TLL2: variants seen among roughly 807,000 people sequenced by gnomAD.
TLL2 encodes tolloid like 2.
Under a neutral mutation model 123.0 loss-of-function variants are expected in TLL2, and 106 were observed. That is an observed-to-expected ratio of 0.86 (90% CI 0.74 to 1.01). The LOEUF is 1.01. Among genes scored for constraint, TLL2 ranks in the 50% least tolerant of loss-of-function variants. The pLI is 0.00. For synonymous variants in TLL2, 494 were observed against 516.8 expected (o/e 0.96, Z 0.60); for missense variants, 1,332 against 1,336.7 (o/e 1.00, Z 0.06).
chr10:96,471,887 C>T (rs572670488), intron 2 of TLL2, among the ~76,000 whole-genome samples: 21 of 152,154 alleles, frequency 1.4e-4, no homozygotes, highest in East Asian at 1.2e-3. Context: ...ACTGCAAGCA[C>T]GATTGTGTGT....
intron 2 of TLL2, among the ~76,000 whole-genome samples, chr10:96,458,587 CAAAAAAAAAAAAAAAAAAAAA>C (rs55819031): frequency 2.2e-5 from 1 of 45,954 alleles, no homozygotes; most frequent in African/African-American, 9.5e-5. Context: ...GACTTCGTCT[CAAAAAAAAAAAAAAAAAAAAA>C]AAAAAAAAAA....
chr10:96,374,393 C>CAG (rs1347458699), intron 18 of TLL2: 1 of 158,768 alleles, frequency 6.3e-6, no homozygotes, highest in Non-Finnish European at 1.4e-5. Context: ...GCTCTGGCAT[C>CAG]AGAGACCCTG....
chr10:96,440,572 G>A (rs1235844319), intron 3 of TLL2, among the ~76,000 whole-genome samples: 1 of 152,228 alleles, frequency 6.6e-6, no homozygotes, highest in East Asian at 1.9e-4. Context: ...CTCCTTTGGA[G>A]AATGGGCAAA....
chr10:96,397,840 C>T (rs572477982), intron 10 of TLL2, among the ~76,000 whole-genome samples: 147 of 152,276 alleles, frequency 9.7e-4, no homozygotes, highest in Non-Finnish European at 1.7e-3. Context: ...TCCTGGTAGC[C>T]GTAGGAGGGT....
intron 5 of TLL2, among the ~76,000 whole-genome samples, chr10:96,424,381 A>G (rs1846657712): frequency 6.6e-6 from 1 of 152,176 alleles, no homozygotes. Flanking sequence ...CCATGATGTG[A>G]TTATTTCACG....
In TLL2 at chr10:96,413,322, G is replaced by T; in HGVS notation, c.924-6C>A. Reference sequence around the variant, plus strand: ...TGGTGTCTAAGAAAACTCCTCTACAGGAAGGAAAAAAGACAGAAAAAGAAA... The same window carrying T: ...TGGTGTCTAAGAAAACTCCTCTACATGAAGGAAAAAAGACAGAAAAAGAAA... On this transcript the variant is annotated splice_region_variant and splice_polypyrimidine_tract_variant and intron_variant, in intron 7 of 20. Coordinates refer to ENST00000357947, the MANE Select transcript of TLL2 (RefSeq NM_012465.4). 1 of 1,611,294 alleles carries T rather than the reference G, an allele frequency of 6.2e-7. No individual in the cohort carries two copies. The highest frequency in any genetic ancestry group is 8.5e-7 in the Non-Finnish European group (1 of 1,177,990).
intron 3 of TLL2, among the ~76,000 whole-genome samples, chr10:96,438,236 C>G (rs1846816118): frequency 6.6e-6 from 1 of 152,182 alleles, no homozygotes; most frequent in Non-Finnish European, 1.5e-5. Flanking sequence ...ATCTTCCAAA[C>G]CAGGGATGCA....
chr10:96,365,077 A>G lies in TLL2; in HGVS notation c.*3011T>C, dbSNP rs1369123852. 1 of 152,266 alleles carries G rather than the reference A, an allele frequency of 6.6e-6. No homozygotes were observed. Among genetic ancestry groups the G allele is most frequent in the East Asian group, 1.9e-4 (1 of 5,206 alleles). The allele number at this position is 152,266 out of a possible 1,614,324, so 9.4% of individuals were successfully genotyped here. A position where few individuals can be genotyped will look rare whatever the true frequency, so the allele number is the denominator to read the frequency against. ...TGGAAGAAGAATTATCTTGGGCCAC[A>G]CATAAAATACACTAACGATAGCTGA... is the stretch of plus-strand genomic sequence containing the variant. On this transcript the variant is annotated 3_prime_UTR_variant, in exon 21 of 21. Coordinates refer to ENST00000357947, the MANE Select transcript of TLL2 (RefSeq NM_012465.4).
chr10:96,387,174 C>G (rs1846244474), intron 13 of TLL2, 96 bp from the exon 14 acceptor site: 2 of 1,537,462 alleles, frequency 1.3e-6, no homozygotes, highest in South Asian at 1.2e-5. Flanking sequence ...CAAGTGTCCT[C>G]TAATAAACAG....
intron 10 of TLL2, among the ~76,000 whole-genome samples, chr10:96,402,669 T>A (rs1846407714): frequency 6.6e-6 from 1 of 152,218 alleles, no homozygotes; most frequent in African/African-American, 2.4e-5. Context: ...CTGTCCGTAC[T>A]TGGCCTGGGG....
intron 17 of TLL2, among the ~76,000 whole-genome samples, chr10:96,378,180 C>A (rs1156240973): frequency 2.6e-5 from 4 of 152,268 alleles, no homozygotes; most frequent in Non-Finnish European, 5.9e-5. Context: ...GGCACCCAGC[C>A]AAATCTCCTA....
intron 13 of TLL2, among the ~76,000 whole-genome samples, chr10:96,389,779 G>A (rs992703037): frequency 9.2e-5 from 14 of 152,262 alleles, no homozygotes; most frequent in African/African-American, 3.1e-4. Context: ...GAGAGAGCCC[G>A]GTGGATGGAC....
intron 3 of TLL2, among the ~76,000 whole-genome samples, chr10:96,434,805 A>C (rs1443510090): frequency 6.6e-6 from 1 of 152,184 alleles, no homozygotes; most frequent in African/African-American, 2.4e-5. Context: ...TTCTCACCAG[A>C]AATACACCAG....
intron 2 of TLL2, 120 bp downstream of exon 2, chr10:96,480,229 A>G (rs1847298508): frequency 8.6e-6 from 7 of 814,482 alleles, no homozygotes; most frequent in Non-Finnish European, 1.4e-5. Flanking sequence ...CTGATTTTCC[A>G]CAAATAGGGG....
intron 10 of TLL2, among the ~76,000 whole-genome samples, chr10:96,397,812 T>C (rs933529124): frequency 6.6e-6 from 1 of 152,204 alleles, no homozygotes; most frequent in Admixed American, 6.5e-5. Context: ...TTTGGAAGGA[T>C]GCACCATATT....
intron 2 of TLL2, among the ~76,000 whole-genome samples, chr10:96,476,070 A>C (rs1240448192): frequency 6.6e-6 from 1 of 151,648 alleles, no homozygotes; most frequent in African/African-American, 2.4e-5. Context: ...AGTCTCGGGT[A>C]CACCTTTATC....
chr10:96,389,258 T>C (rs1846263146), intron 13 of TLL2, among the ~76,000 whole-genome samples: 1 of 152,098 alleles, frequency 6.6e-6, no homozygotes, highest in East Asian at 1.9e-4. Flanking sequence ...AATATTTACT[T>C]TTAGGGTTGT....
At chr10:96,512,401 C>A (rs945952205) in intron 1 of TLL2, among the ~76,000 whole-genome samples, 4 of 152,372 alleles carry the variant, frequency 2.6e-5, no homozygotes, top group African/African-American at 9.6e-5. Context: ...TAACCTGGAA[C>A]TGATAGAGGT....
intron 7 of TLL2, among the ~76,000 whole-genome samples, chr10:96,419,668 A>G (rs1460797366): frequency 5.9e-5 from 9 of 152,208 alleles, no homozygotes; most frequent in African/African-American, 2.2e-4. Context: ...CTGTGTGGCC[A>G]GAGGAGCAGT....
Sources: allele counts gnomAD v4.1 joint callset (sites outside exome capture counted in the v4.1 genomes callset), GRCh38; gene constraint gnomAD v4.1.1; transcripts MANE v1.5; gene names NCBI Gene and HGNC (gene_info 2026-07-23, HGNC 2026-07-21).